The following HECTD4 variants were observed in gnomAD, a reference collection of about 807,000 sequenced individuals.
HECTD4 encodes the protein HECT domain E3 ubiquitin protein ligase 4.
In HECTD4, 114 loss-of-function variants were observed where a neutral mutation model predicts 471.5. The ratio of observed to expected loss-of-function variants is 0.24; its 90% CI spans 0.21 to 0.28. The LOEUF (loss-of-function observed/expected upper bound fraction) is 0.28. Among genes scored for constraint, HECTD4 ranks in the 10% least tolerant of loss-of-function variants. HECTD4 has a pLI of 1.00. For synonymous variants in HECTD4, 2,012 were observed against 2,256.0 expected (o/e 0.89, Z 3.07); for missense variants, 3,866 against 5,651.5 (o/e 0.68, Z 10.13).
intron 70 of HECTD4, 131 bp downstream of exon 70, chr12:112,169,372 C>G: frequency 9.4e-7 from 1 of 1,065,810 alleles, no homozygotes. Context: ...TGGGTGCAGA[C>G]CTGGCTTCTG....
At chr12:112,220,566 G>C (rs2033058946) in intron 44 of HECTD4, among the ~76,000 whole-genome samples, 1 of 152,154 alleles carries the variant, frequency 6.6e-6, no homozygotes, top group African/African-American at 2.4e-5. Context: ...GGAGGCTGAG[G>C]CAGACGGATC....
At chr12:112,220,625 C>A (rs925004977) in intron 44 of HECTD4, among the ~76,000 whole-genome samples, 1 of 151,950 alleles carries the variant, frequency 6.6e-6, no homozygotes, top group African/African-American at 2.4e-5. Context: ...AGCAAACCAC[C>A]ATGTCTACAA....
At chr12:112,223,762 C>T (rs2033159453) in intron 44 of HECTD4, among the ~76,000 whole-genome samples, 1 of 152,136 alleles carries the variant, frequency 6.6e-6, no homozygotes, top group Admixed American at 6.5e-5. Flanking sequence ...GTAGTGCTAT[C>T]TCCCTAGATC....
At chr12:112,293,148 T>A (rs2034928542) in intron 7 of HECTD4, among the ~76,000 whole-genome samples, 1 of 151,234 alleles carries the variant, frequency 6.6e-6, no homozygotes, top group Admixed American at 6.6e-5. Flanking sequence ...GGTGGATCAC[T>A]TGAGGTCAGG....
chr12:112,347,732 T>C (rs1011586659), intron 1 of HECTD4, among the ~76,000 whole-genome samples: 4 of 152,220 alleles, frequency 2.6e-5, no homozygotes, highest in South Asian at 2.1e-4. Context: ...CACTCTGTGG[T>C]TTCCTAAAGC....
At position 112,319,714 on chromosome 12, in the gene HECTD4, G is replaced by A. The variant is rs1002739468; in HGVS notation, c.206C>T (p.Ser69Leu). The stretch of plus-strand genomic sequence containing the variant: ...AGAGCGCAAACGTTCTGCTAATTCC[G>A]ACGGGTTCTTGGTCTCAAAGGTTAA... ...EILTFETKNPSELAERLRSVC... is the reference protein window; with the variant it reads ...EILTFETKNPLELAERLRSVC... Residue 69 changes from serine to leucine, a missense_variant, in exon 2 of 76, where the codon TCG becomes TTG. Coordinates refer to ENST00000682272, the MANE Select transcript of HECTD4 (RefSeq NM_001388303.1). This position sits in a 1 kb window ranked among gnomAD's most constrained non-coding sequence, Gnocchi z 5.3. 1.6e-5 allele frequency: 20 copies of A among 1,250,104 alleles called. No homozygotes were observed. The highest frequency in any genetic ancestry group is 1.6e-5 in the Non-Finnish European group (16 of 998,224). 77.4% of individuals were successfully genotyped at this position (1,250,104 alleles called of 1,614,324 possible). A position where few individuals can be genotyped will look rare whatever the true frequency, so the allele number is the denominator to read the frequency against.
chr12:112,305,171 G>A (rs1334882716), intron 7 of HECTD4, among the ~76,000 whole-genome samples: 2 of 152,176 alleles, frequency 1.3e-5, no homozygotes, highest in Non-Finnish European at 1.5e-5. Context: ...CACTTGAACT[G>A]TGGCTAATCA....
rs775904628 is a variant in HECTD4 at position 112,254,079 on chromosome 12, A to G, written c.3411T>C (p.Ser1137=). Residue 1137 remains serine (S), a synonymous_variant, in exon 22 of 76, where the codon AGT becomes AGC. Transcript: ENST00000682272. ...GGNTLGYGSR[S]VLGTGWPKDL... is the part of the protein sequence containing the mutation. ...CTTTCGGCCAACCAGTTCCTAAGAC[A>G]CTACGGCTGCCATATCCCAGTGTGT... 1.2e-6 allele frequency: 2 copies of G among 1,614,058 alleles called. No individual in the cohort carries two copies. Among genetic ancestry groups the G allele is most frequent in the Middle Eastern group, 1.6e-4 (1 of 6,062 alleles).
chr12:112,285,172 T>G (rs2034724087), intron 7 of HECTD4, among the ~76,000 whole-genome samples: 1 of 152,138 alleles, frequency 6.6e-6, no homozygotes, highest in Non-Finnish European at 1.5e-5. Context: ...CACTTACCTC[T>G]GTGTAAAGTG....
intron 1 of HECTD4, among the ~76,000 whole-genome samples, chr12:112,354,362 C>CTT (rs74409223): frequency 5.3e-5 from 8 of 151,934 alleles, no homozygotes; most frequent in Admixed American, 2.6e-4. Flanking sequence ...CCAATAGTGT[C>CTT]TTTTTTTAAT....
At position 112,193,700 on chromosome 12, in the gene HECTD4, T is replaced by C. The variant is rs1369527484; in HGVS notation, c.8750-26A>G. ...CTGGGGACGGAAAGGAAACAGAAGT[T>C]GACAAGAATCAAAGCAGCCAGTAGC... On this transcript the variant is annotated intron_variant, in intron 56 of 75. Transcript: ENST00000682272. The surrounding 1 kb of genome is among the most constrained non-coding windows in gnomAD (Gnocchi z 5.2). 2 of 1,592,066 alleles carry C rather than the reference T, an allele frequency of 1.3e-6. No homozygotes were observed. The highest frequency in any genetic ancestry group is 1.7e-6 in the Non-Finnish European group (2 of 1,168,440).
chr12:112,325,831 T>A (rs971967967), intron 1 of HECTD4, among the ~76,000 whole-genome samples: 1 of 151,680 alleles, frequency 6.6e-6, no homozygotes, highest in Admixed American at 6.6e-5. Flanking sequence ...TTTTTTCTTT[T>A]GAGACAGGTT....
At chr12:112,181,644 G>A (rs992582680) in intron 62 of HECTD4, among the ~76,000 whole-genome samples, 1 of 152,178 alleles carries the variant, frequency 6.6e-6, no homozygotes, top group Non-Finnish European at 1.5e-5. Context: ...ATTTTTTGTA[G>A]AGACGAGGTC....
At chr12:112,181,343 A>C (rs1555248046) in intron 62 of HECTD4, among the ~76,000 whole-genome samples, 1 of 152,154 alleles carries the variant, frequency 6.6e-6, no homozygotes, top group Non-Finnish European at 1.5e-5. Context: ...CTTTAAAAAA[A>C]CTATACTACA....
rs1215087836 is a variant in HECTD4, at chr12:112,319,037, G to A, written c.695+188C>T. On this transcript the variant is annotated intron_variant, in intron 2 of 75. Transcript: ENST00000682272. The surrounding 1 kb of genome is among the most constrained non-coding windows in gnomAD (Gnocchi z 5.3). ...AAACATGAACTTTGGTTCCAACTCA[G>A]GCACCTGGTGCCAAGTTTGGTGAAA... 3.9e-5 allele frequency among the ~76,000 whole-genome samples: 6 copies of A among 152,242 alleles called. No individual in the cohort carries two copies. The South Asian group carries it at 6.2e-4, about 16-fold the overall frequency.
At position 112,193,188 on chromosome 12, in the gene HECTD4, C is replaced by A. The variant is rs777220696; in HGVS notation, c.8959G>T (p.Ala2987Ser). Residue 2987 changes from alanine to serine, a missense_variant, in exon 58 of 76, where the codon GCA (alanine) becomes TCA (serine). Physicochemically the swap from Ala to Ser is moderately conservative, Grantham distance 99. Coordinates refer to ENST00000682272, the MANE Select transcript of HECTD4 (RefSeq NM_001388303.1). The surrounding 1 kb of genome is among the most constrained non-coding windows in gnomAD (Gnocchi z 5.2). ...TCTTCGGAGGGGAACTGCTCTGGTG[C>A]TGTCTGCAAAGAGACACTGAATAAG... ...TKQICSFLQT[A>S]PEQFPSEEFP... is the part of the protein sequence containing the mutation. The A allele has an allele frequency of 6.2e-7, 1 of 1,613,756 alleles. No homozygotes were observed. Among genetic ancestry groups the A allele is most frequent in the Non-Finnish European group, 8.5e-7 (1 of 1,179,804 alleles).
Position 112,200,832 on chromosome 12 carries a change from G to A in HECTD4, c.8407-34C>T, listed in dbSNP as rs2032400394. On this transcript the variant is annotated intron_variant, in intron 54 of 75. Coordinates refer to ENST00000682272, the MANE Select transcript of HECTD4 (RefSeq NM_001388303.1). ...GGAAAAGAAAATGTCTGTTTGTGCTGTTTGCTTTTGTTTTCCATGTGTGCG... is the reference window on the plus strand; with the variant it reads ...GGAAAAGAAAATGTCTGTTTGTGCTATTTGCTTTTGTTTTCCATGTGTGCG... 10 of 1,595,678 alleles carry A rather than the reference G, an allele frequency of 6.3e-6. No individual in the cohort carries two copies. The East Asian group carries it at 2.2e-4, about 36-fold the overall frequency.
rs117499816 is a variant in HECTD4, at chr12:112,286,998, C to T, written c.1336-3696G>A. Among the ~76,000 whole-genome samples the T allele has an allele frequency of 3.9e-4, 60 of 152,212 alleles. No homozygotes were observed. In the East Asian group the frequency reaches 0.01, roughly 26 times the overall value. ...TGCCTGGAACTGCAGGTTTTAGCAC[C>T]GAAAGTTCCATGTCATGAGCAATCA... On this transcript the variant is annotated intron_variant, in intron 7 of 75. Coordinates refer to ENST00000682272, the MANE Select transcript of HECTD4 (RefSeq NM_001388303.1).
Position 112,208,596 on chromosome 12 carries a change from G to T in HECTD4, c.7902C>A (p.Val2634=). The T allele has an allele frequency of 1.2e-6, 2 of 1,603,796 alleles. No individual in the cohort carries two copies. Among genetic ancestry groups the T allele is most frequent in the South Asian group, 1.1e-5 (1 of 89,090 alleles). ...YDSDTSCHYK[V]ELSYENFITS... is the part of the protein sequence containing the mutation. ...TGATGAAATTCTCATAGCTGAGCTC[G>T]ACTTTATAATGACAGGAGGTGTCAC... The change falls in exon 51 of 76, where the codon GTC becomes GTA. Residue 2634 remains valine, a synonymous_variant. Transcript: ENST00000682272.
Sources: allele counts gnomAD v4.1 joint callset (sites outside exome capture counted in the v4.1 genomes callset), GRCh38; gene constraint gnomAD v4.1.1; non-coding constraint Gnocchi (gnomAD v3.1); transcripts MANE v1.5; gene names NCBI Gene and HGNC (gene_info 2026-07-23, HGNC 2026-07-21).